EPHA10: variants seen among roughly 807,000 people sequenced by gnomAD.
EPHA10 encodes the protein ephrin type-A receptor 10.
A neutral mutation model predicts 109.7 loss-of-function variants in EPHA10; 120 were observed. The observed-to-expected ratio is 1.09, with a 90% CI of 0.94 to 1.27. The LOEUF (loss-of-function observed/expected upper bound fraction) is 1.27, where lower values mean the gene tolerates loss of function less well. EPHA10 is among the 50% of genes most tolerant of loss of function. EPHA10 has a pLI of 0.00. For synonymous variants in EPHA10, 640 were observed against 618.9 expected, an observed-to-expected ratio of 1.03 and a Z score of -0.51; for missense variants, 1,396 against 1,411.1, an observed-to-expected ratio of 0.99 and a Z score of 0.17.
intron 5 of EPHA10, among the ~76,000 whole-genome samples, chr1:37,752,562 T>C (rs976999069): frequency 2.0e-5 from 3 of 152,074 alleles, no homozygotes; most frequent in African/African-American, 7.2e-5. Flanking sequence ...AGAGGCTTTG[T>C]GCAAGGAGTC....
At chr1:37,715,767 G>A, downstream of EPHA10, 1 of 410,992 alleles carries the variant, frequency 2.4e-6, no homozygotes, top group Non-Finnish European at 4.7e-6. Flanking sequence ...CATACCCAGG[G>A]CACCCAGTTC....
rs1645760647 is a variant in EPHA10, at chr1:37,719,952, A to G, written c.2519T>C (p.Met840Thr). The G allele has an allele frequency of 3.7e-6, 6 of 1,613,984 alleles. No individual in the cohort carries two copies. The highest frequency in any genetic ancestry group is 5.1e-6 in the Non-Finnish European group (6 of 1,180,042). ...CCAGTAAGGCCGCTCCCCAAAGGCC[A>G]TCACCTCCCACATGATGATGCCGAA... Reference protein sequence around the residue: ...WSFGIIMWEVMAFGERPYWDM... With the variant: ...WSFGIIMWEVTAFGERPYWDM... Residue 840 changes from methionine to threonine, a missense_variant, in exon 14 of 17, where the codon ATG (methionine) becomes ACG (threonine). By Grantham distance (81) the Met-to-Thr change is moderately conservative. Coordinates refer to ENST00000373048, the MANE Select transcript of EPHA10 (RefSeq NM_001099439.2).
In EPHA10 at chr1:37,727,167, G is replaced by A. The variant is rs752711104; in HGVS notation, c.1707C>T (p.Thr569=). Residue 569 remains threonine (T), a synonymous_variant, in exon 8 of 17, where the codon ACC becomes ACT. Coordinates refer to ENST00000373048, the MANE Select transcript of EPHA10 (RefSeq NM_001099439.2). ...CGAGGAGGGCCGAGATGGTCACTAC[G>A]GTGACGACAATGGCGGGGCTCTGGT... The part of the protein sequence containing the change: ...SRDQSPAIVV[T]VVTISALLVL... The A allele has an allele frequency of 3.7e-5, 60 of 1,612,414 alleles. No individual in the cohort carries two copies. The highest frequency in any genetic ancestry group is 1.8e-4 in the Admixed American group (11 of 59,822).
At position 37,721,865 on chromosome 1, in the gene EPHA10, C is replaced by T; in HGVS notation, c.1961-20G>A. 1.3e-6 allele frequency: 2 copies of T among 1,529,780 alleles called. No homozygotes were observed. Among genetic ancestry groups the T allele is most frequent in the Non-Finnish European group, 1.8e-6 (2 of 1,133,130 alleles). 94.8% of individuals were successfully genotyped at this position (1,529,780 alleles called of 1,614,324 possible). On this transcript the variant is annotated intron_variant, in intron 10 of 16. Transcript: ENST00000373048. ...ACCGCCCTGTGGGGAAACAGCACCTCAGATACCGCCAGAGGCCACTGCCCT... is the reference window on the plus strand; with the variant it reads ...ACCGCCCTGTGGGGAAACAGCACCTTAGATACCGCCAGAGGCCACTGCCCT...
intron 1 of EPHA10, among the ~76,000 whole-genome samples, chr1:37,763,988 C>T (rs1404261764): frequency 1.3e-5 from 2 of 152,162 alleles, no homozygotes; most frequent in East Asian, 1.9e-4. Flanking sequence ...TCCCTTTATT[C>T]CCCCAGGAGG....
chr1:37,730,848 C>T (rs1307932554), intron 7 of EPHA10, among the ~76,000 whole-genome samples: 4 of 151,894 alleles, frequency 2.6e-5, no homozygotes, highest in African/African-American at 9.7e-5. Flanking sequence ...CCCGCCACCA[C>T]GCCCGGCTGA....
At chr1:37,760,172 T>C in intron 3 of EPHA10, 1 of 630,190 alleles carries the variant, frequency 1.6e-6, no homozygotes, top group Non-Finnish European at 2.0e-6. Flanking sequence ...TCTTGTGATT[T>C]TTAAATTTTT....
chr1:37,721,739 G>C lies in EPHA10; in HGVS notation c.2067C>G (p.Leu689=). The change falls in exon 11 of 17, where the codon CTC becomes CTG. Residue 689 remains leucine (L), a synonymous_variant. Transcript: ENST00000373048. ...GCGTGAGGGCCTCGGCCAGGAAGCC[G>C]AGCCTCTGTGAGTCGGAGGCGCTGT... ...LRDSASDSQR[L]GFLAEALTLG... 6.2e-7 allele frequency: 1 copy of C among 1,612,578 alleles called. No homozygotes were observed. Among genetic ancestry groups the C allele is most frequent in the Non-Finnish European group, 8.5e-7 (1 of 1,179,870 alleles).
At chr1:37,738,576 T>A (rs1028425080) in intron 5 of EPHA10, among the ~76,000 whole-genome samples, 2 of 152,154 alleles carry the variant, frequency 1.3e-5, no homozygotes, top group Non-Finnish European at 2.9e-5. Flanking sequence ...TGTAAATTGG[T>A]GCAGCTGCTA....
rs1645691464 is a variant in EPHA10, at chr1:37,716,369, C to T, written c.*2003G>A. 8.4e-6 allele frequency: 2 copies of T among 238,776 alleles called. No homozygotes were observed. The highest frequency in any genetic ancestry group is 1.6e-5 in the Non-Finnish European group (2 of 121,976). The allele number at this position is 238,776 out of a possible 1,614,324, so 14.8% of individuals were successfully genotyped here. A position where few individuals can be genotyped will look rare whatever the true frequency, so the allele number is the denominator to read the frequency against. Reference sequence around the variant, plus strand: ...TGACTGATGTAGCTGGAGATGAGGACGAGGCTCCATCCACCCAAGAAGGGA... The same window carrying T: ...TGACTGATGTAGCTGGAGATGAGGATGAGGCTCCATCCACCCAAGAAGGGA... On this transcript the variant is annotated 3_prime_UTR_variant, in exon 17 of 17. Coordinates refer to ENST00000373048, the MANE Select transcript of EPHA10 (RefSeq NM_001099439.2).
In EPHA10 at chr1:37,720,464, C is replaced by T. The variant is rs372127348; in HGVS notation, c.2299G>A (p.Val767Ile). ...AMKYLSEMGY[V>I]HRGLAARHVL... is the part of the protein sequence containing the mutation. ...TGGCGAGCTGCCAGGCCCCGGTGAA[C>T]GTAGCCCATCTCTGACAGATACTTC... The change falls in exon 13 of 17, where the codon GTT becomes ATT. Residue 767 changes from valine to isoleucine, a missense_variant. Coordinates refer to ENST00000373048, the MANE Select transcript of EPHA10 (RefSeq NM_001099439.2). 58 of 1,613,588 alleles carry T rather than the reference C, an allele frequency of 3.6e-5. No homozygotes were observed. Among genetic ancestry groups the T allele is most frequent in the Admixed American group, 1.8e-4 (11 of 60,002 alleles).
chr1:37,729,992 A>G (rs570641606), intron 7 of EPHA10, among the ~76,000 whole-genome samples: 3 of 152,224 alleles, frequency 2.0e-5, no homozygotes, highest in Admixed American at 2.0e-4. Context: ...AGTCTCTACT[A>G]TCTGAGAGGT....
intron 8 of EPHA10, among the ~76,000 whole-genome samples, chr1:37,724,278 G>A (rs1645851100): frequency 6.6e-6 from 1 of 152,164 alleles, no homozygotes. Flanking sequence ...GCCATTTACT[G>A]GGATGAGGAG....
At chr1:37,732,863 CTTTTTTTTTTTTTTTT>C (rs56226051) in intron 6 of EPHA10, among the ~76,000 whole-genome samples, 322 of 25,018 alleles carry the variant, frequency 0.013, 5 homozygotes, top group African/African-American at 0.026. Context: ...TATACTTGTT[CTTTTTTTTTTTTTTTT>C]TTTTTTTTTT....
rs1240287228 is a variant in EPHA10 at position 37,754,787 on chromosome 1, CTTTT to C, written c.851-421_851-418del. 3.3e-5 allele frequency among the ~76,000 whole-genome samples: 5 copies of C among 152,082 alleles called. No homozygotes were observed. The East Asian group carries it at 9.6e-4, about 29-fold the overall frequency. ...CCTGTGAGGTTATATACTTTATCCT[CTTTT>C]TATTTTATTTATTTTTTCTTTTTTC... is the stretch of plus-strand genomic sequence containing the variant. On this transcript the variant is annotated intron_variant, in intron 3 of 16. Coordinates refer to ENST00000373048, the MANE Select transcript of EPHA10 (RefSeq NM_001099439.2). This position sits in a 1 kb window ranked among gnomAD's most constrained non-coding sequence, Gnocchi z 4.5.
chr1:37,729,881 A>T (rs1645953137), intron 7 of EPHA10, among the ~76,000 whole-genome samples: 1 of 152,032 alleles, frequency 6.6e-6, no homozygotes, highest in Non-Finnish European at 1.5e-5. Context: ...TCAAAAAAAA[A>T]AAAAAATCTC....
Position 37,716,990 on chromosome 1 carries a change from CT to C in EPHA10, c.*1381del. The C allele has an allele frequency of 4.3e-6, 1 of 232,730 alleles. No individual in the cohort carries two copies. Among genetic ancestry groups the C allele is most frequent in the Non-Finnish European group, 8.5e-6 (1 of 117,960 alleles). 14.4% of individuals were successfully genotyped at this position (232,730 alleles called of 1,614,324 possible). A position where few individuals can be genotyped will look rare whatever the true frequency, so the allele number is the denominator to read the frequency against. On this transcript the variant is annotated 3_prime_UTR_variant, in exon 17 of 17. Coordinates refer to ENST00000373048, the MANE Select transcript of EPHA10 (RefSeq NM_001099439.2). ...AGCCCCCCAAGGGCAGGCTGTGTGTCTTTTTCATCTTTACCTCTTGTCTCCT... is the reference window on the plus strand; with the variant it reads ...AGCCCCCCAAGGGCAGGCTGTGTGTCTTTTCATCTTTACCTCTTGTCTCCT...
chr1:37,753,228 T>C lies in EPHA10; in HGVS notation c.1007-2A>G. 8.2e-7 allele frequency: 1 copy of C among 1,215,308 alleles called. No individual in the cohort carries two copies. The highest frequency in any genetic ancestry group is 2.2e-5 in the South Asian group (1 of 45,186). The allele number at this position is 1,215,308 out of a possible 1,614,324, so 75.3% of individuals were successfully genotyped here. On this transcript the variant is annotated splice_acceptor_variant, in intron 4 of 16. Coordinates refer to ENST00000373048, the MANE Select transcript of EPHA10 (RefSeq NM_001099439.2). LOFTEE classifies it high-confidence loss of function. Reference sequence around the variant, plus strand: ...GGTCCCGCGGCGCCGACGGCGGCCCTGAGGCGGCACAGGGGCGGGGCGGTC... The same window carrying C: ...GGTCCCGCGGCGCCGACGGCGGCCCCGAGGCGGCACAGGGGCGGGGCGGTC...
At chr1:37,714,917 T>G (rs1557523232), downstream of EPHA10, 1 of 152,240 alleles carries the variant, frequency 6.6e-6, no homozygotes, top group Non-Finnish European at 1.5e-5. Context: ...GGGTGCTGTG[T>G]TACAGTCTGA....
Sources: allele counts gnomAD v4.1 joint callset (sites outside exome capture counted in the v4.1 genomes callset), GRCh38; gene constraint gnomAD v4.1.1; non-coding constraint Gnocchi (gnomAD v3.1); transcripts MANE v1.5; gene names NCBI Gene and HGNC (gene_info 2026-07-23, HGNC 2026-07-21).